ATRX: variants seen among roughly 807,000 people sequenced by gnomAD.
The protein encoded by ATRX is ATRX chromatin remodeler.
ATRX carries 12 observed loss-of-function variants against 172.6 expected under a neutral mutation model. The ratio of observed to expected loss-of-function variants is 0.07; its 90% CI spans 0.04 to 0.11. ATRX has a LOEUF of 0.11. Ranked by LOEUF, ATRX falls within the 10% of genes least tolerant of loss-of-function variation. ATRX has a pLI of 1.00. For missense variants in ATRX, 1,368 were observed against 1,767.4 expected, an observed-to-expected ratio of 0.77 and a Z score of 4.05; for synonymous variants, 674 against 594.7, an observed-to-expected ratio of 1.13 and a Z score of -1.94.
At chrX:77,541,434 T>C (rs985278533) in intron 30 of ATRX, among the ~76,000 whole-genome samples, 4 of 111,471 alleles carry the variant, frequency 3.6e-5, no homozygotes, top group Non-Finnish European at 7.5e-5. Context: ...TTCCAATCAA[T>C]AGAAAAAGAG....
chrX:77,568,042 T>C (rs2065263979), intron 28 of ATRX, among the ~76,000 whole-genome samples: 1 of 109,339 alleles, frequency 9.1e-6, no homozygotes, highest in Non-Finnish European at 1.9e-5. Flanking sequence ...TTTATAACAC[T>C]AAATGCTTAC....
chrX:77,585,481 T>C (rs1454141880), intron 27 of ATRX, among the ~76,000 whole-genome samples: 1 of 97,963 alleles, frequency 1.0e-5, no homozygotes, highest in Non-Finnish European at 2.0e-5. Flanking sequence ...GAGGCGGAGG[T>C]GGGAGAATCC....
chrX:77,591,985 A>C (rs973513409), intron 26 of ATRX, among the ~76,000 whole-genome samples: 1 of 112,200 alleles, frequency 8.9e-6, no homozygotes, highest in Admixed American at 9.5e-5. Context: ...TTAAATGTCT[A>C]TACTAATGGT....
intron 15 of ATRX, among the ~76,000 whole-genome samples, chrX:77,642,660 C>CA (rs376876496): frequency 1.1e-3 from 93 of 82,407 alleles, no homozygotes; most frequent in East Asian, 9.2e-3. Context: ...AAAAAAAAAA[C>CA]AAAAAAAAAA....
intron 30 of ATRX, among the ~76,000 whole-genome samples, chrX:77,537,459 T>C (rs1170892592): frequency 9.0e-6 from 1 of 111,459 alleles, no homozygotes; most frequent in Non-Finnish European, 1.9e-5. Flanking sequence ...AGAACTCTAC[T>C]GGTGTTATTT....
At chrX:77,635,864 T>C (rs1557107787) in intron 16 of ATRX, 51 bp downstream of exon 16, 2 of 1,124,961 alleles carry the variant, frequency 1.8e-6, no homozygotes, top group Admixed American at 4.7e-5. Context: ...CACACCCAAA[T>C]ATTGGTAAAA....
intron 19 of ATRX, 25 bp downstream of exon 19, chrX:77,633,182 A>G (rs2068189133): frequency 8.4e-7 from 1 of 1,184,095 alleles, no homozygotes; most frequent in Non-Finnish European, 1.1e-6. Flanking sequence ...TTGCTTCTTT[A>G]TGTCACTGTC....
chrX:77,692,846 A>AGTGTGTGT (rs3063059), intron 6 of ATRX, among the ~76,000 whole-genome samples: 852 of 82,064 alleles, frequency 0.01, 3 homozygotes, highest in Middle Eastern at 0.025. Context: ...CCAATATTAG[A>AGTGTGTGT]GTGTGTGTGT....
intron 30 of ATRX, among the ~76,000 whole-genome samples, chrX:77,553,362 T>C (rs1386712447): frequency 8.9e-6 from 1 of 111,779 alleles, no homozygotes; most frequent in Non-Finnish European, 1.9e-5. Flanking sequence ...CTAACAAGTA[T>C]CTTAATATCC....
intron 10 of ATRX, chrX:77,674,048 A>G: frequency 9.0e-6 from 1 of 111,608 alleles, no homozygotes; most frequent in Admixed American, 9.6e-5. Flanking sequence ...ATGTATTACA[A>G]TACTGCTAAA....
intron 24 of ATRX, 34 bp from the exon 25 acceptor site, chrX:77,599,614 C>T (rs2066598542): frequency 2.5e-6 from 3 of 1,199,048 alleles, no homozygotes; most frequent in Admixed American, 2.2e-5. Context: ...CAAAAAAACA[C>T]ATTCAGATTG....
intron 22 of ATRX, 48 bp from the exon 23 acceptor site, chrX:77,600,612 C>G (rs1277498521): frequency 8.5e-7 from 1 of 1,179,821 alleles, no homozygotes; most frequent in East Asian, 3.0e-5. Flanking sequence ...TCTATATCAA[C>G]CAAGTTTCTA....
At chrX:77,632,351 T>C (rs2049845538) in intron 19 of ATRX, among the ~76,000 whole-genome samples, 1 of 111,790 alleles carries the variant, frequency 8.9e-6, no homozygotes, top group Non-Finnish European at 1.9e-5. Flanking sequence ...ACAATGATAC[T>C]AGACACTAGC....
At chrX:77,596,706 T>TA (rs1212209490) in intron 25 of ATRX, 1 of 110,523 alleles carries the variant, frequency 9.0e-6, no homozygotes, top group Admixed American at 9.7e-5. Flanking sequence ...ATGGCATATG[T>TA]AAAAAACGTT....
In ATRX at chrX:77,562,373, T is replaced by G. The variant is rs935565986; in HGVS notation, c.6327-3527A>C. 7.9e-4 allele frequency among the ~76,000 whole-genome samples: 88 copies of G among 112,022 alleles called. 2 individuals carry two copies. Among genetic ancestry groups the G allele is most frequent in the African/African-American group, 2.9e-4 (9 of 30,839 alleles). ...AAGTATGTTTAGTTGTTTAGTTTTG[T>G]TTTTTTAAACTGCCAAATTGTTTCC... On this transcript the variant is annotated intron_variant, in intron 28 of 34. Coordinates refer to ENST00000373344, the MANE Select transcript of ATRX (RefSeq NM_000489.6).
chrX:77,773,747 G>A (rs1444162759), intron 1 of ATRX, among the ~76,000 whole-genome samples: 1 of 107,393 alleles, frequency 9.3e-6, no homozygotes, highest in African/African-American at 3.4e-5. Flanking sequence ...GCAAGACTCT[G>A]TCTCAGAAAA....
Position 77,786,049 on chromosome X carries a change from T to C in ATRX, c.-48A>G, listed in dbSNP as rs2076737692. 4.3e-6 allele frequency: 5 copies of C among 1,162,608 alleles called. No individual in the cohort carries two copies. The highest frequency in any genetic ancestry group is 1.8e-5 in the African/African-American group (1 of 55,208). ...GGCTTCTGTGATTGCTGGGCGCCGA[T>C]CTGCGCTCCCCCGCGCCCGGTTACG... On this transcript the variant is annotated 5_prime_UTR_variant, in exon 1 of 35. Coordinates refer to ENST00000373344, the MANE Select transcript of ATRX (RefSeq NM_000489.6).
chrX:77,572,039 A>G (rs1333501465), intron 28 of ATRX, among the ~76,000 whole-genome samples: 8 of 111,976 alleles, frequency 7.1e-5, no homozygotes, highest in Admixed American at 6.6e-4. Flanking sequence ...ATATAATCTA[A>G]AACATTTGTG....
chrX:77,744,776 C>A (rs1449958959), intron 1 of ATRX, among the ~76,000 whole-genome samples: 1 of 110,570 alleles, frequency 9.0e-6, no homozygotes, highest in East Asian at 2.9e-4. Flanking sequence ...TCACTTGAGT[C>A]GAGGAGTTCG....
Sources: gnomAD v4.1 joint callset for allele counts (sites outside exome capture counted in the v4.1 genomes callset) on GRCh38, gnomAD v4.1.1 for gene constraint, MANE v1.5 for transcripts, NCBI Gene and HGNC (gene_info 2026-07-23, HGNC 2026-07-21) for gene names.